The following IMMP2L variants were observed in gnomAD, a reference collection of about 807,000 sequenced individuals.
The protein encoded by IMMP2L is inner mitochondrial membrane peptidase subunit 2.
IMMP2L carries 18 observed loss-of-function variants against 19.3 expected under a neutral mutation model. That is an observed-to-expected ratio of 0.93 (90% confidence interval 0.64 to 1.38). The LOEUF (loss-of-function observed/expected upper bound fraction) is 1.38, where lower values mean the gene tolerates loss of function less well. Among genes scored for constraint, IMMP2L ranks in the 40% most tolerant of loss-of-function variants. The probability of loss-of-function intolerance (pLI) is 0.00; values close to 1 mark genes in which losing one functional copy is unlikely to be tolerated. For missense variants in IMMP2L, 233 were observed against 218.2 expected, an observed-to-expected ratio of 1.07 and a Z score of -0.43; for synonymous variants, 76 against 73.0, an observed-to-expected ratio of 1.04 and a Z score of -0.21.
intron 5 of IMMP2L, among the ~76,000 whole-genome samples, chr7:110,829,529 C>T (rs770346366): frequency 3.3e-5 from 5 of 151,878 alleles, no homozygotes; most frequent in Admixed American, 3.3e-4. Context: ...GGGAAGAATT[C>T]TAAAAACGAA....
chr7:111,546,478 T>C (rs1202862910), intron 1 of IMMP2L, among the ~76,000 whole-genome samples: 1 of 152,190 alleles, frequency 6.6e-6, no homozygotes, highest in Non-Finnish European at 1.5e-5. Flanking sequence ...TTGGTCTTCT[T>C]CCCATTGAGT....
chr7:111,044,128 T>G (rs1792156486), intron 3 of IMMP2L, among the ~76,000 whole-genome samples: 1 of 152,240 alleles, frequency 6.6e-6, no homozygotes, highest in African/African-American at 2.4e-5. Context: ...TTCTGATCTA[T>G]TTAGATGTTT....
At chr7:111,300,626 C>T (rs1014252310) in intron 3 of IMMP2L, among the ~76,000 whole-genome samples, 2 of 152,112 alleles carry the variant, frequency 1.3e-5, no homozygotes, top group Non-Finnish European at 2.9e-5. Context: ...CCGCACCCAT[C>T]CCCAACTCCA....
chr7:111,013,114 CTAGA>C (rs1249289738), intron 3 of IMMP2L, among the ~76,000 whole-genome samples: 1 of 151,912 alleles, frequency 6.6e-6, no homozygotes, highest in Non-Finnish European at 1.5e-5. Context: ...TAGAAGACCC[CTAGA>C]TAAAGATTAT....
intron 3 of IMMP2L, among the ~76,000 whole-genome samples, chr7:111,080,852 C>T (rs1795832562): frequency 6.6e-6 from 1 of 152,160 alleles, no homozygotes; most frequent in South Asian, 2.1e-4. Context: ...AAATATATAT[C>T]CATTTTACAA....
chr7:111,556,014 G>GTGTGTGTATATATATATATATATATAT, intron 1 of IMMP2L, among the ~76,000 whole-genome samples: 1 of 114,570 alleles, frequency 8.7e-6, no homozygotes, highest in Non-Finnish European at 1.7e-5. Flanking sequence ...TCTTCTGTGT[G>GTGTGTGTATATATATATATATATATAT]CATGTATATA....
At chr7:110,904,550 G>C (rs1812257339) in intron 4 of IMMP2L, among the ~76,000 whole-genome samples, 1 of 152,182 alleles carries the variant, frequency 6.6e-6, no homozygotes, top group African/African-American at 2.4e-5. Context: ...TCAAAGATCA[G>C]TTATATGCAT....
At chr7:110,876,162 A>G (rs1048988971) in intron 5 of IMMP2L, among the ~76,000 whole-genome samples, 2 of 152,182 alleles carry the variant, frequency 1.3e-5, no homozygotes, top group African/African-American at 2.4e-5. Flanking sequence ...AATAATAATG[A>G]CAAAGAAATT....
intron 3 of IMMP2L, among the ~76,000 whole-genome samples, chr7:111,111,668 C>T (rs932582390): frequency 2.6e-5 from 4 of 151,804 alleles, no homozygotes; most frequent in African/African-American, 7.3e-5. Context: ...TCCCCCCCTG[C>T]GTCAATAGTA....
chr7:111,206,317 C>T (rs1475359049), intron 3 of IMMP2L, among the ~76,000 whole-genome samples: 1 of 152,094 alleles, frequency 6.6e-6, no homozygotes, highest in African/African-American at 2.4e-5. Flanking sequence ...TCCCTTTATA[C>T]CAGTAAGTCC....
At chr7:111,508,445 C>T (rs1202849061) in intron 2 of IMMP2L, among the ~76,000 whole-genome samples, 1 of 152,062 alleles carries the variant, frequency 6.6e-6, no homozygotes, top group Non-Finnish European at 1.5e-5. Flanking sequence ...TCAGGTAGGT[C>T]CGAGTTCTTG....
At chr7:110,980,259 G>A (rs1370544725) in intron 3 of IMMP2L, among the ~76,000 whole-genome samples, 1 of 117,462 alleles carries the variant, frequency 8.5e-6, no homozygotes, top group Admixed American at 1.1e-4. Context: ...TAGGAGTCTC[G>A]CTCTGTCGCC....
chr7:111,270,107 C>G (rs1393018291), intron 3 of IMMP2L, among the ~76,000 whole-genome samples: 1 of 150,898 alleles, frequency 6.6e-6, no homozygotes, highest in East Asian at 1.9e-4. Flanking sequence ...ATCCTCCCCA[C>G]TGATTTGAAA....
intron 5 of IMMP2L, among the ~76,000 whole-genome samples, chr7:110,669,127 A>T (rs1791712399): frequency 6.6e-6 from 1 of 151,332 alleles, no homozygotes; most frequent in African/African-American, 2.4e-5. Context: ...AGAGAGAGAA[A>T]GAGAGATTTA....
At chr7:110,686,633 G>A (rs546616418) in intron 5 of IMMP2L, among the ~76,000 whole-genome samples, 36 of 151,880 alleles carry the variant, frequency 2.4e-4, no homozygotes, top group Non-Finnish European at 4.9e-4. Context: ...TAACCTCAGA[G>A]CCATAATTAG....
At chr7:110,963,462 T>C (rs187737286) in intron 4 of IMMP2L, 38 bp downstream of exon 4, 1 of 1,421,124 alleles carries the variant, frequency 7.0e-7, no homozygotes, top group African/African-American at 1.4e-5. Flanking sequence ...ACTCTAGATA[T>C]TTAAAACTTG....
At chr7:110,691,082 T>A (rs1203845016) in intron 5 of IMMP2L, among the ~76,000 whole-genome samples, 1 of 152,180 alleles carries the variant, frequency 6.6e-6, no homozygotes, top group Non-Finnish European at 1.5e-5. Flanking sequence ...ACTACAAGGC[T>A]ATAGTAACCT....
chr7:110,997,618 T>C (rs1000273278), intron 3 of IMMP2L, among the ~76,000 whole-genome samples: 5 of 152,174 alleles, frequency 3.3e-5, no homozygotes, highest in Admixed American at 6.6e-5. Context: ...ACTAATGATG[T>C]TTAACATCTT....
rs1484229556 is a variant in IMMP2L at position 111,214,328 on chromosome 7, C to CTTTTTTTTTTTT, written c.240-250764_240-250763insAAAAAAAAAAAA. ...GTGAATGAATGACAAAGTAATTTTTCTTCTTTTTTTTTTTTTTTTTTTTTT... is the reference window on the plus strand; with the variant it reads ...GTGAATGAATGACAAAGTAATTTTTCTTTTTTTTTTTTTTCTTTTTTTTTTTTTTTTTTTTTT... On this transcript the variant is annotated intron_variant, in intron 3 of 5. Transcript: ENST00000405709. Among the ~76,000 whole-genome samples the CTTTTTTTTTTTT allele has an allele frequency of 2.7e-4, 23 of 85,108 alleles. 4 individuals are homozygous for CTTTTTTTTTTTT. Among genetic ancestry groups the CTTTTTTTTTTTT allele is most frequent in the Non-Finnish European group, 3.4e-4 (15 of 44,318 alleles). 55.8% of individuals were successfully genotyped at this position (85,108 alleles called of 152,430 possible).
Sources: allele counts gnomAD v4.1 joint callset (sites outside exome capture counted in the v4.1 genomes callset), GRCh38; gene constraint gnomAD v4.1.1; transcripts MANE v1.5; gene names NCBI Gene and HGNC (gene_info 2026-07-23, HGNC 2026-07-21).